CCDC158: variants seen among roughly 807,000 people sequenced by gnomAD.
CCDC158 encodes the protein coiled-coil domain-containing protein 158.
CCDC158 carries 116 observed loss-of-function variants against 138.6 expected under a neutral mutation model. The ratio of observed to expected loss-of-function variants is 0.84; its 90% CI spans 0.72 to 0.98. The LOEUF (loss-of-function observed/expected upper bound fraction) is 0.98. Ranked by LOEUF, CCDC158 falls within the 50% of genes least tolerant of loss-of-function variation. The probability of loss-of-function intolerance (pLI) is 0.00; values close to 1 mark genes in which losing one functional copy is unlikely to be tolerated. For missense variants in CCDC158, 1,265 were observed against 1,306.1 expected, an observed-to-expected ratio of 0.97 and a Z score of 0.48; for synonymous variants, 436 against 442.4, an observed-to-expected ratio of 0.99 and a Z score of 0.18.
chr4:76,377,223 AC>A (rs1210292866), intron 9 of CCDC158, among the ~76,000 whole-genome samples: 6 of 152,370 alleles, frequency 3.9e-5, no homozygotes, highest in Admixed American at 2.6e-4. Flanking sequence ...ATTTTTCCAA[AC>A]AACAGTATAA....
At chr4:76,385,487 G>T (rs1726700398) in intron 4 of CCDC158, among the ~76,000 whole-genome samples, 1 of 152,140 alleles carries the variant, frequency 6.6e-6, no homozygotes, top group Non-Finnish European at 1.5e-5. Context: ...GTGATCAGGG[G>T]AGAAAGGGTC....
chr4:76,416,296 C>T (rs1729691128), intron 1 of CCDC158, among the ~76,000 whole-genome samples: 1 of 152,164 alleles, frequency 6.6e-6, no homozygotes, highest in Non-Finnish European at 1.5e-5. Flanking sequence ...CACAGCCTGG[C>T]ATTTGGGGCC....
intron 18 of CCDC158, among the ~76,000 whole-genome samples, chr4:76,346,520 GCCA>G (rs952987227): frequency 6.6e-6 from 1 of 152,176 alleles, no homozygotes; most frequent in Non-Finnish European, 1.5e-5. Flanking sequence ...GACCATCCTG[GCCA>G]ACATGGTGAA....
At chr4:76,328,405 G>C (rs1272861658) in intron 22 of CCDC158, among the ~76,000 whole-genome samples, 2 of 152,218 alleles carry the variant, frequency 1.3e-5, no homozygotes, top group African/African-American at 4.8e-5. Context: ...ACTGATAAAA[G>C]GAAGAAGGAG....
intron 1 of CCDC158, among the ~76,000 whole-genome samples, chr4:76,412,524 G>A (rs763551360): frequency 2.0e-5 from 3 of 152,224 alleles, no homozygotes; most frequent in Non-Finnish European, 4.4e-5. Context: ...ATTTTGGGAA[G>A]CTGAGGTGGG....
intron 8 of CCDC158, 89 bp from the exon 9 acceptor site, chr4:76,379,493 C>T: frequency 1.6e-6 from 1 of 638,396 alleles, no homozygotes; most frequent in Non-Finnish European, 2.5e-6. Flanking sequence ...GACACTACCA[C>T]TAGTTATTTT....
At chr4:76,411,018 C>T (rs973233782) in intron 2 of CCDC158, among the ~76,000 whole-genome samples, 1 of 152,168 alleles carries the variant, frequency 6.6e-6, no homozygotes, top group Non-Finnish European at 1.5e-5. Flanking sequence ...CACGTGCAGG[C>T]CTTCCTACAT....
At chr4:76,313,527 C>A (rs780358358) in intron 24 of CCDC158, among the ~76,000 whole-genome samples, 1 of 152,148 alleles carries the variant, frequency 6.6e-6, no homozygotes, top group African/African-American at 2.4e-5. Flanking sequence ...TGGCCTCAAG[C>A]AATCCTCCTG....
rs116668204 is a variant in CCDC158, at chr4:76,420,992, C to T, written c.-144G>A. The stretch of plus-strand genomic sequence containing the variant: ...GCAACCAACACCTAATCCTAAGACA[C>T]CGGCCACATCTCCGCGGGGCGCCGG... On this transcript the variant is annotated 5_prime_UTR_variant, in exon 1 of 25. It adds an upstream start codon to the 5' untranslated region. Transcript: ENST00000682701. Among the ~76,000 whole-genome samples, 2,964 of 152,222 alleles carry T rather than the reference C, an allele frequency of 0.019. 91 individuals carry two copies. The highest frequency in any genetic ancestry group is 0.067 in the African/African-American group (2,779 of 41,556).
intron 9 of CCDC158, among the ~76,000 whole-genome samples, chr4:76,374,748 AT>A (rs1464652480): frequency 1.3e-5 from 2 of 151,814 alleles, no homozygotes; most frequent in African/African-American, 4.8e-5. Context: ...AAAGAAAATA[AT>A]TTGTATATAT....
chr4:76,350,096 A>T lies in CCDC158; in HGVS notation c.2664+900T>A, dbSNP rs115095639. On this transcript the variant is annotated intron_variant, in intron 18 of 24. Transcript: ENST00000682701. ...ATATTTTTAAAAATAAAATGATTTC[A>T]TAACACTTAAAAAGCAGCAGTCTCC... Among the ~76,000 whole-genome samples the T allele has an allele frequency of 4.0e-3, 605 of 152,352 alleles. 3 individuals are homozygous for T. Among genetic ancestry groups the T allele is most frequent in the African/African-American group, 0.014 (574 of 41,580 alleles).
In CCDC158 at chr4:76,403,179, T is replaced by C; in HGVS notation, c.29A>G (p.Asn10Ser). The change falls in exon 3 of 25, where the codon AAT (asparagine) becomes AGT (serine). Residue 10 changes from asparagine (N) to serine (S), a missense_variant. Transcript: ENST00000682701. ...ACCACTACTTGATAAAAGATCTTCA[T>C]TATTTGATTCCCAAGCTTTTGATTC... Reference protein sequence around the residue: MESKAWESNNEDLLSSSGVT... With the variant: MESKAWESNSEDLLSSSGVT... 1.2e-6 allele frequency: 2 copies of C among 1,607,156 alleles called. No individual in the cohort carries two copies. The highest frequency in any genetic ancestry group is 1.1e-5 in the South Asian group (1 of 90,074).
chr4:76,399,338 A>AT (rs1203599525), intron 3 of CCDC158, among the ~76,000 whole-genome samples: 1 of 152,146 alleles, frequency 6.6e-6, no homozygotes, highest in Admixed American at 6.5e-5. Context: ...GAGCATCAGG[A>AT]TACATGGCTA....
chr4:76,357,991 GCACA>G (rs3041129), intron 13 of CCDC158, among the ~76,000 whole-genome samples: 10 of 148,778 alleles, frequency 6.7e-5, no homozygotes, highest in Admixed American at 1.3e-4. Flanking sequence ...ACACATGTGT[GCACA>G]CACACACACA....
intron 4 of CCDC158, among the ~76,000 whole-genome samples, chr4:76,393,036 C>A (rs28799110): frequency 6.6e-6 from 1 of 151,862 alleles, no homozygotes; most frequent in African/African-American, 2.4e-5. Flanking sequence ...AAAATCAATA[C>A]TGTTAAAATG....
chr4:76,345,797 T>C (rs1203116161), intron 18 of CCDC158, among the ~76,000 whole-genome samples: 1 of 152,168 alleles, frequency 6.6e-6, no homozygotes, highest in African/African-American at 2.4e-5. Flanking sequence ...ATCAATATCG[T>C]GAAAATGGCC....
chr4:76,398,853 G>A (rs564427576), intron 3 of CCDC158, among the ~76,000 whole-genome samples: 1 of 152,048 alleles, frequency 6.6e-6, no homozygotes, highest in East Asian at 1.9e-4. Context: ...GAGAGAGAGA[G>A]CGAATGGTTA....
At chr4:76,380,058 T>A (rs900991223) in intron 8 of CCDC158, among the ~76,000 whole-genome samples, 8 of 152,232 alleles carry the variant, frequency 5.3e-5, no homozygotes, top group African/African-American at 1.9e-4. Context: ...GTGAGTCAAC[T>A]AAACTTCTTT....
intron 14 of CCDC158, 91 bp downstream of exon 14, chr4:76,357,283 T>C (rs1560418483): frequency 2.6e-6 from 2 of 767,838 alleles, no homozygotes; most frequent in Non-Finnish European, 4.0e-6. Flanking sequence ...TGTGAAGAGG[T>C]GGTAGGTAAC....
Sources: gnomAD v4.1 joint callset for allele counts (sites outside exome capture counted in the v4.1 genomes callset) on GRCh38, gnomAD v4.1.1 for gene constraint, MANE v1.5 for transcripts, NCBI Gene and HGNC (gene_info 2026-07-23, HGNC 2026-07-21) for gene names.